The following PIWIL1 variants were observed in gnomAD, a reference collection of about 807,000 sequenced individuals.
The protein encoded by PIWIL1 is piwi like RNA-mediated gene silencing 1, also known as piwi-like protein 1.
PIWIL1 carries 73 observed loss-of-function variants against 114.4 expected under a neutral mutation model. The observed-to-expected ratio is 0.64, with a 90% CI of 0.53 to 0.78. The LOEUF (loss-of-function observed/expected upper bound fraction) is 0.78. Ranked by LOEUF, PIWIL1 falls within the 30% of genes least tolerant of loss-of-function variation. The pLI is 0.00. For synonymous variants in PIWIL1, 375 were observed against 369.0 expected (o/e 1.02, Z -0.19); for missense variants, 723 against 1,063.1 (o/e 0.68, Z 4.45).
At chr12:130,380,351 TTTAC>T in the PIWIL1 span, among the ~76,000 whole-genome samples, 8 of 152,224 alleles carry the variant, frequency 5.3e-5, no homozygotes, top group African/African-American at 1.7e-4. Flanking sequence ...CCAACTTTTT[TTTAC>T]TTTTGTATTT....
the PIWIL1 span, among the ~76,000 whole-genome samples, chr12:130,391,074 C>T: frequency 6.6e-6 from 1 of 152,188 alleles, no homozygotes; most frequent in Non-Finnish European, 1.5e-5. Flanking sequence ...CACTCCAGGG[C>T]TGTGTCCCTA....
At position 130,361,485 on chromosome 12, in the gene PIWIL1, A is replaced by G; in HGVS notation, c.1867-13A>G. ...ACTCCATTGTATCTAAAATTACCAT[A>G]TTTGTATTGAAGCTGAAGCTCGTGA... On this transcript the variant is annotated splice_polypyrimidine_tract_variant and intron_variant, in intron 15 of 20. Coordinates refer to ENST00000245255, the MANE Select transcript of PIWIL1 (RefSeq NM_004764.5). 1 of 1,613,524 alleles carries G rather than the reference A, an allele frequency of 6.2e-7. No homozygotes were observed. Among genetic ancestry groups the G allele is most frequent in the East Asian group, 2.2e-5 (1 of 44,874 alleles).
At chr12:130,396,251 C>T in the PIWIL1 span, 3 of 152,646 alleles carry the variant, frequency 2.0e-5, no homozygotes, top group African/African-American at 7.2e-5. Flanking sequence ...CTACCACATA[C>T]TATTATATTA....
At position 130,354,888 on chromosome 12, in the gene PIWIL1, G is replaced by C. The variant is rs1461419206; in HGVS notation, c.1172G>C (p.Gly391Ala). Reference protein sequence around the residue: ...MLIPELCYLTGLTDKMRNDFN... With the variant: ...MLIPELCYLTALTDKMRNDFN... ...ATGCCTTTAAATGTCTTATTTAAAG[G>C]TCTAACTGATAAAATGCGTAATGAT... The change falls in exon 11 of 21, where the codon GGT (glycine) becomes GCT (alanine). Residue 391 changes from glycine to alanine, a missense_variant and splice_region_variant. Transcript: ENST00000245255. 1 of 1,599,660 alleles carries C rather than the reference G, an allele frequency of 6.3e-7. No individual in the cohort carries two copies. The highest frequency in any genetic ancestry group is 8.6e-7 in the Non-Finnish European group (1 of 1,167,194).
In PIWIL1 at chr12:130,346,393, T is replaced by C. The variant is rs753961760; in HGVS notation, c.340T>C (p.Leu114=). The change falls in exon 5 of 21, where the codon TTA becomes CTA. Residue 114 remains leucine, a synonymous_variant. Transcript: ENST00000245255. Reference sequence around the variant, plus strand: ...AGGTTCTTCAGGCATTATAGTAAGGTTAAGCACTAACCATTTCCGGCTGAC... The same window carrying C: ...AGGTTCTTCAGGCATTATAGTAAGGCTAAGCACTAACCATTTCCGGCTGAC... The part of the protein sequence containing the change: ...KTGSSGIIVR[L]STNHFRLTSR... 1 of 1,613,970 alleles carries C rather than the reference T, an allele frequency of 6.2e-7. No homozygotes were observed. The highest frequency in any genetic ancestry group is 2.2e-5 in the East Asian group (1 of 44,882).
the PIWIL1 span, among the ~76,000 whole-genome samples, chr12:130,400,002 C>A: frequency 6.6e-6 from 1 of 152,160 alleles, no homozygotes; most frequent in Admixed American, 6.5e-5. Context: ...GAGTCCTAAG[C>A]CCCTTTCCTG....
intron 9 of PIWIL1, among the ~76,000 whole-genome samples, chr12:130,352,561 T>C (rs146706928): frequency 6.6e-6 from 1 of 152,046 alleles, no homozygotes; most frequent in Non-Finnish European, 1.5e-5. Flanking sequence ...TGCCTGTAAT[T>C]CCAGCTACTC....
chr12:130,362,797 G>C lies in PIWIL1; in HGVS notation c.2002G>C (p.Gly668Arg). ...WFSRCIFQDR[G>R]QELVDGLKVC... ...CTCACGCTGCATATTTCAGGATAGA[G>C]GACAGGAGCTGGTAGATGGGCTCAA... is the stretch of plus-strand genomic sequence containing the variant. Residue 668 changes from glycine (G) to arginine (R), a missense_variant, in exon 17 of 21, where the codon GGA (glycine) becomes CGA (arginine). Gly to Arg is a moderately radical substitution (Grantham distance 125, BLOSUM62 -2). Transcript: ENST00000245255. 6.2e-7 allele frequency: 1 copy of C among 1,614,116 alleles called. No homozygotes were observed. The highest frequency in any genetic ancestry group is 8.5e-7 in the Non-Finnish European group (1 of 1,180,016).
At chr12:130,378,621 C>G in the PIWIL1 span, among the ~76,000 whole-genome samples, 1 of 152,290 alleles carries the variant, frequency 6.6e-6, no homozygotes, top group East Asian at 1.9e-4. Flanking sequence ...CACATCCTCA[C>G]CAGTATTTGA....
chr12:130,399,906 A>T, the PIWIL1 span: 1 of 1,388,126 alleles, frequency 7.2e-7, no homozygotes, highest in Non-Finnish European at 9.9e-7. Context: ...GAGTACAGGT[A>T]CATGGTGAGT....
chr12:130,350,447 T>A (rs1038349168), intron 9 of PIWIL1, among the ~76,000 whole-genome samples: 1 of 152,262 alleles, frequency 6.6e-6, no homozygotes, highest in Non-Finnish European at 1.5e-5. Context: ...GACAGGCTTG[T>A]TAGCACAGGC....
chr12:130,402,766 A>G, the PIWIL1 span, among the ~76,000 whole-genome samples: 5 of 152,212 alleles, frequency 3.3e-5, no homozygotes, highest in Admixed American at 6.5e-5. Flanking sequence ...CCAGTCAGTG[A>G]GACATCCACT....
intron 9 of PIWIL1, among the ~76,000 whole-genome samples, chr12:130,350,803 A>G (rs1231348498): frequency 1.3e-5 from 2 of 152,214 alleles, no homozygotes; most frequent in African/African-American, 4.8e-5. Flanking sequence ...TGGATAAATG[A>G]GCTTAAATAT....
the PIWIL1 span, among the ~76,000 whole-genome samples, chr12:130,406,466 G>C: frequency 3.3e-5 from 5 of 152,282 alleles, no homozygotes; most frequent in African/African-American, 1.2e-4. Context: ...ATGCTGCAGT[G>C]CTTTGATTTT....
At chr12:130,348,321 A>C in intron 7 of PIWIL1, 138 bp downstream of exon 7, 2 of 576,618 alleles carry the variant, frequency 3.5e-6, no homozygotes, top group Middle Eastern at 4.3e-4. Context: ...TTTAACTTGA[A>C]TAATGAGGAG....
At chr12:130,385,298 T>C in the PIWIL1 span, among the ~76,000 whole-genome samples, 2 of 152,370 alleles carry the variant, frequency 1.3e-5, no homozygotes, top group South Asian at 4.1e-4. Flanking sequence ...CAAAATTGTC[T>C]TTTAAAGTAC....
In PIWIL1 at chr12:130,339,190, C is replaced by A. The variant is rs570747799; in HGVS notation, c.-13+1044C>A. ...TGAGGCGGCGACCGCGACGGCCGGG[C>A]TCTGCGAGGCCCGGGGGTCCTCGCG... On this transcript the variant is annotated intron_variant, in intron 1 of 20. Transcript: ENST00000245255. 3.3e-5 allele frequency among the ~76,000 whole-genome samples: 5 copies of A among 152,146 alleles called. No homozygotes were observed. The South Asian group carries it at 6.2e-4, about 19-fold the overall frequency.
At chr12:130,342,471 C>A in intron 1 of PIWIL1, 109 bp from the exon 2 acceptor site, 1 of 676,974 alleles carries the variant, frequency 1.5e-6, no homozygotes, top group Non-Finnish European at 2.7e-6. Context: ...ATAATAATTG[C>A]CTGGGGAGCT....
chr12:130,350,192 C>T (rs1372127792), intron 9 of PIWIL1, among the ~76,000 whole-genome samples: 1 of 152,102 alleles, frequency 6.6e-6, no homozygotes, highest in East Asian at 1.9e-4. Context: ...TCCCTTTTTC[C>T]AGTAGAATGA....
Sources: gnomAD v4.1 joint callset for allele counts (sites outside exome capture counted in the v4.1 genomes callset) on GRCh38, gnomAD v4.1.1 for gene constraint, MANE v1.5 for transcripts, NCBI Gene and HGNC (gene_info 2026-07-23, HGNC 2026-07-21) for gene names.